Variants in STOX2 observed in about 807,000 individuals in gnomAD.
STOX2 encodes the protein storkhead-box protein 2.
A neutral mutation model predicts 60.9 loss-of-function variants in STOX2; 28 were observed. The ratio of observed to expected loss-of-function variants is 0.46; its 90% CI spans 0.34 to 0.63. The LOEUF (loss-of-function observed/expected upper bound fraction) is 0.63, where lower values mean the gene tolerates loss of function less well. Among genes scored for constraint, STOX2 ranks in the 30% least tolerant of loss-of-function variants. The pLI is 0.01. For missense variants in STOX2, 1,024 were observed against 1,187.7 expected, an observed-to-expected ratio of 0.86 and a Z score of 2.03; for synonymous variants, 472 against 463.9, an observed-to-expected ratio of 1.02 and a Z score of -0.22.
Position 184,009,154 on chromosome 4 carries a change from T to TTC in STOX2, c.320-4_320-3insTC. The TTC allele has an allele frequency of 6.8e-7, 1 of 1,470,564 alleles. No individual in the cohort carries two copies. Among genetic ancestry groups the TTC allele is most frequent in the Admixed American group, 2.5e-5 (1 of 39,858 alleles). The allele number at this position is 1,470,564 out of a possible 1,614,324, so 91.1% of individuals were successfully genotyped here. On this transcript the variant is annotated splice_region_variant and splice_polypyrimidine_tract_variant and intron_variant, in intron 2 of 3. Transcript: ENST00000308497. This position sits in a 1 kb window ranked among gnomAD's most constrained non-coding sequence, Gnocchi z 4.0. ...ACAAGTGGTTTTTTTTTTTTTTTTT[T>TTC]CAGGTGTTCCAACGCCAAGCCAAGA...
chr4:183,869,816 A>G (rs541015658), intron 1 of STOX2, among the ~76,000 whole-genome samples: 31 of 152,322 alleles, frequency 2.0e-4, no homozygotes, highest in African/African-American at 6.5e-4. Flanking sequence ...GGAAACATTG[A>G]TAAGCTATTT....
chr4:184,010,071 C>T lies in STOX2; in HGVS notation c.1233C>T (p.Cys411=). ...TTACCAGGGTGCCCAGGGAGGGCTG[C>T]TTCATCATTGAACACAAAGGAGATA... ...DPLTRVPREG[C]FIIEHKGDNF... is the part of the protein sequence containing the mutation. The change falls in exon 3 of 4, where the codon TGC becomes TGT. Residue 411 remains cysteine (C), a synonymous_variant. Coordinates refer to ENST00000308497, the MANE Select transcript of STOX2 (RefSeq NM_020225.3). This position sits in a 1 kb window ranked among gnomAD's most constrained non-coding sequence, Gnocchi z 4.5. 1 of 1,612,120 alleles carries T rather than the reference C, an allele frequency of 6.2e-7. No homozygotes were observed. Among genetic ancestry groups the T allele is most frequent in the Non-Finnish European group, 8.5e-7 (1 of 1,179,092 alleles).
chr4:184,001,535 A>C lies in STOX2; in HGVS notation c.319+58A>C, dbSNP rs1733592560. ...GGCGGTGTGCTGTGGTCGCTCTAGG[A>C]CTCACGTGGACTGTTCTGCCCATGT... On this transcript the variant is annotated intron_variant, in intron 2 of 3. Coordinates refer to ENST00000308497, the MANE Select transcript of STOX2 (RefSeq NM_020225.3). This position sits in a 1 kb window ranked among gnomAD's most constrained non-coding sequence, Gnocchi z 4.2. 4 of 1,533,002 alleles carry C rather than the reference A, an allele frequency of 2.6e-6. No individual in the cohort carries two copies. The South Asian group carries it at 4.6e-5, about 18-fold the overall frequency. 95.0% of individuals were successfully genotyped at this position (1,533,002 alleles called of 1,614,324 possible).
chr4:183,956,925 G>T (rs1743266346), intron 1 of STOX2, among the ~76,000 whole-genome samples: 1 of 143,896 alleles, frequency 6.9e-6, no homozygotes, highest in East Asian at 2.1e-4. Flanking sequence ...GTTAGATTTA[G>T]ATTAAGCATT....
chr4:183,820,937 C>CA (rs60152619), intron 1 of STOX2, among the ~76,000 whole-genome samples: 229 of 138,720 alleles, frequency 1.7e-3, no homozygotes, highest in Middle Eastern at 7.6e-3. Context: ...CCCGTCTCTA[C>CA]AAAAAAAAAA....
chr4:183,834,338 T>G (rs1043271130), intron 1 of STOX2, among the ~76,000 whole-genome samples: 1 of 152,178 alleles, frequency 6.6e-6, no homozygotes, highest in Admixed American at 6.5e-5. Flanking sequence ...GTTAGGCAGT[T>G]GATCAACCTG....
intron 1 of STOX2, among the ~76,000 whole-genome samples, chr4:183,963,434 C>CT (rs1276987700): frequency 4.5e-4 from 66 of 147,232 alleles, no homozygotes; most frequent in East Asian, 1.8e-3. Flanking sequence ...TTCTTTTTTT[C>CT]TTTTTTTTTT....
intron 1 of STOX2, among the ~76,000 whole-genome samples, chr4:183,892,171 C>T (rs1209979939): frequency 6.6e-6 from 1 of 152,252 alleles, no homozygotes; most frequent in Non-Finnish European, 1.5e-5. Flanking sequence ...TGTGTCCCTC[C>T]GAGATGGCTC....
rs894434546 is a variant in STOX2 at position 184,018,345 on chromosome 4, T to C, written c.*1061T>C. 1 of 152,192 alleles carries C rather than the reference T, an allele frequency of 6.6e-6. No homozygotes were observed. The highest frequency in any genetic ancestry group is 1.9e-4 in the East Asian group (1 of 5,200). 9.4% of individuals were successfully genotyped at this position (152,192 alleles called of 1,614,324 possible). A position where few individuals can be genotyped will look rare whatever the true frequency, so the allele number is the denominator to read the frequency against. On this transcript the variant is annotated 3_prime_UTR_variant, in exon 4 of 4. Transcript: ENST00000308497. The stretch of plus-strand genomic sequence containing the variant: ...GCCTAAATTAGGCTGTGGGAGATAA[T>C]TTTTAGTGGTTGTAGGAAAGAGCAA...
In STOX2 at chr4:183,821,809, G is replaced by C. The variant is rs1016566454; in HGVS notation, c.364+23754G>C. ...ACCCATCCCTGTCCCTGTTCCTGCC[G>C]GGCTGCATTCTGACCCCTGCCCCAG... is the stretch of plus-strand genomic sequence containing the variant. On this transcript the variant is annotated intron_variant, in intron 1 of 2. Transcript: ENST00000513034. The surrounding 1 kb of genome is among the most constrained non-coding windows in gnomAD (Gnocchi z 4.2). 6.6e-6 allele frequency among the ~76,000 whole-genome samples: 1 copy of C among 152,224 alleles called. No individual in the cohort carries two copies. The highest frequency in any genetic ancestry group is 2.4e-5 in the African/African-American group (1 of 41,462).
chr4:183,899,180 T>C (rs977818708), intron 1 of STOX2, among the ~76,000 whole-genome samples: 1 of 152,228 alleles, frequency 6.6e-6, no homozygotes, highest in Admixed American at 6.5e-5. Context: ...TTGTGTGCGA[T>C]CTGACTGTTC....
intron 1 of STOX2, among the ~76,000 whole-genome samples, chr4:183,845,107 G>A (rs1739956876): frequency 6.6e-6 from 1 of 152,222 alleles, no homozygotes; most frequent in African/African-American, 2.4e-5. Flanking sequence ...TTAAAAAGGA[G>A]AGATAAGAAA....
intron 1 of STOX2, among the ~76,000 whole-genome samples, chr4:183,916,510 G>A (rs938469788): frequency 6.6e-6 from 1 of 152,100 alleles, no homozygotes; most frequent in African/African-American, 2.4e-5. Context: ...CTTGGGCTTT[G>A]GGTGAATTAA....
chr4:183,854,673 A>T (rs1166116955), intron 1 of STOX2, among the ~76,000 whole-genome samples: 1 of 152,244 alleles, frequency 6.6e-6, no homozygotes, highest in Non-Finnish European at 1.5e-5. Flanking sequence ...AAATTATTTG[A>T]CATCTCATGG....
chr4:183,901,933 T>C (rs1251414640), upstream of STOX2, among the ~76,000 whole-genome samples: 1 of 152,236 alleles, frequency 6.6e-6, no homozygotes, highest in Non-Finnish European at 1.5e-5. Context: ...TTTTAAAAAT[T>C]TCATGAAGTC....
At chr4:183,864,174 C>A (rs1229101047) in intron 1 of STOX2, among the ~76,000 whole-genome samples, 1 of 152,130 alleles carries the variant, frequency 6.6e-6, no homozygotes, top group Non-Finnish European at 1.5e-5. Flanking sequence ...CTGTTTACTG[C>A]AGGACTTCTC....
chr4:183,927,504 G>A (rs1251553107), intron 1 of STOX2, among the ~76,000 whole-genome samples: 1 of 151,522 alleles, frequency 6.6e-6, no homozygotes, highest in Non-Finnish European at 1.5e-5. Context: ...AGAACTTTTG[G>A]GGTCTTTTTT....
intron 1 of STOX2, among the ~76,000 whole-genome samples, chr4:183,869,054 C>T (rs1740633844): frequency 6.6e-6 from 1 of 152,150 alleles, no homozygotes; most frequent in African/African-American, 2.4e-5. Context: ...AGATTATTTT[C>T]TGAAACTTTA....
intron 1 of STOX2, among the ~76,000 whole-genome samples, chr4:183,876,614 T>G (rs1560858911): frequency 1.3e-5 from 2 of 152,230 alleles, no homozygotes; most frequent in Non-Finnish European, 2.9e-5. Context: ...CCCACCTGTA[T>G]GGAGGCAGCC....
Sources: gnomAD v4.1 joint callset for allele counts (sites outside exome capture counted in the v4.1 genomes callset) on GRCh38, gnomAD v4.1.1 for gene constraint, Gnocchi (gnomAD v3.1) non-coding constraint, MANE v1.5 for transcripts, NCBI Gene and HGNC (gene_info 2026-07-23, HGNC 2026-07-21) for gene names.